USP32: variants seen among roughly 807,000 people sequenced by gnomAD.
USP32 encodes the protein ubiquitin carboxyl-terminal hydrolase 32.
In USP32, 59 loss-of-function variants were observed where a neutral mutation model predicts 204.8. That is an observed-to-expected ratio of 0.29 (90% CI 0.23 to 0.36). The LOEUF (loss-of-function observed/expected upper bound fraction) is 0.36, where lower values mean the gene tolerates loss of function less well. Among genes scored for constraint, USP32 ranks in the 10% least tolerant of loss-of-function variants. The probability of loss-of-function intolerance (pLI) is 1.00; values close to 1 mark genes in which losing one functional copy is unlikely to be tolerated. For synonymous variants in USP32, 517 were observed against 678.4 expected (o/e 0.76, Z 3.70); for missense variants, 1,160 against 1,946.4 (o/e 0.60, Z 7.60).
chr17:60,189,035 AAAG>A (rs1349976411), intron 29 of USP32, among the ~76,000 whole-genome samples: 2 of 152,278 alleles, frequency 1.3e-5, no homozygotes, highest in Admixed American at 1.3e-4. Flanking sequence ...GATTTGTTAA[AAAG>A]GGGAAGAGAT....
chr17:60,238,389 C>T (rs2145646920), intron 11 of USP32, among the ~76,000 whole-genome samples: 1 of 152,024 alleles, frequency 6.6e-6, no homozygotes, highest in Admixed American at 6.6e-5. Flanking sequence ...TAAGTTTTGC[C>T]AGGTACAGTG....
intron 1 of USP32, among the ~76,000 whole-genome samples, chr17:60,419,724 C>T (rs1029742077): frequency 2.1e-5 from 3 of 142,746 alleles, no homozygotes; most frequent in South Asian, 4.4e-4. Flanking sequence ...CACAGCGAGA[C>T]ACCATCTCAA....
chr17:60,401,920 G>T (rs2089938599), intron 1 of USP32, among the ~76,000 whole-genome samples: 1 of 152,050 alleles, frequency 6.6e-6, no homozygotes, highest in Non-Finnish European at 1.5e-5. Context: ...TGGAGAAAGG[G>T]TTCAAATTTC....
chr17:60,272,568 A>G (rs1301263869), intron 5 of USP32, among the ~76,000 whole-genome samples: 1 of 152,240 alleles, frequency 6.6e-6, no homozygotes, highest in Non-Finnish European at 1.5e-5. Context: ...CTAGCACCAG[A>G]CTTCACCTCC....
intron 1 of USP32, among the ~76,000 whole-genome samples, chr17:60,362,915 G>A (rs2089238402): frequency 6.6e-6 from 1 of 151,292 alleles, no homozygotes; most frequent in South Asian, 2.1e-4. Flanking sequence ...TAACCAAATT[G>A]TAATAACTGA....
At chr17:60,181,984 A>C (rs2084123995) in intron 31 of USP32, among the ~76,000 whole-genome samples, 1 of 152,202 alleles carries the variant, frequency 6.6e-6, no homozygotes, top group Non-Finnish European at 1.5e-5. Context: ...CATTATAGGG[A>C]CTCAGAAAAT....
intron 1 of USP32, among the ~76,000 whole-genome samples, chr17:60,346,314 A>G (rs1164459712): frequency 2.6e-5 from 4 of 152,180 alleles, no homozygotes; most frequent in African/African-American, 9.7e-5. Context: ...GGCAGGGGCA[A>G]AGAAGTAACA....
chr17:60,292,982 T>A (rs944107763), intron 4 of USP32, among the ~76,000 whole-genome samples: 1 of 152,168 alleles, frequency 6.6e-6, no homozygotes, highest in Non-Finnish European at 1.5e-5. Context: ...CACCCCCACC[T>A]CAAGGCCTTT....
At chr17:60,307,923 C>G in intron 2 of USP32, among the ~76,000 whole-genome samples, 1 of 152,216 alleles carries the variant, frequency 6.6e-6, no homozygotes, top group Admixed American at 6.5e-5. Flanking sequence ...AGGAACACAT[C>G]AGTTGAAGAG....
At chr17:60,299,395 C>A (rs1042061757) in intron 3 of USP32, among the ~76,000 whole-genome samples, 2 of 152,216 alleles carry the variant, frequency 1.3e-5, no homozygotes, top group African/African-American at 4.8e-5. Context: ...GACCTTCTTG[C>A]TCTTCCATCA....
chr17:60,387,498 C>T (rs2089751396), intron 1 of USP32, among the ~76,000 whole-genome samples: 1 of 152,206 alleles, frequency 6.6e-6, no homozygotes, highest in South Asian at 2.1e-4. Context: ...TCTCCTATAG[C>T]ACTGCAGCAC....
chr17:60,313,432 T>C (rs981950680), intron 2 of USP32, among the ~76,000 whole-genome samples: 1 of 152,142 alleles, frequency 6.6e-6, no homozygotes, highest in Non-Finnish European at 1.5e-5. Flanking sequence ...ACTAACCATG[T>C]CTTTCCTGGA....
chr17:60,265,205 A>G (rs987361458), intron 9 of USP32, among the ~76,000 whole-genome samples: 2 of 152,254 alleles, frequency 1.3e-5, no homozygotes, highest in African/African-American at 4.8e-5. Context: ...CTAGCTTATA[A>G]TAAATGTTTT....
intron 26 of USP32, among the ~76,000 whole-genome samples, chr17:60,199,630 C>A (rs1322064500): frequency 6.6e-6 from 1 of 152,094 alleles, no homozygotes; most frequent in East Asian, 1.9e-4. Flanking sequence ...TAAAAAGACC[C>A]TTTATTCAGA....
chr17:60,298,198 T>A (rs1489097919), intron 3 of USP32, among the ~76,000 whole-genome samples: 1 of 152,176 alleles, frequency 6.6e-6, no homozygotes, highest in Non-Finnish European at 1.5e-5. Context: ...CAGGAACCAC[T>A]TCATGAATAT....
rs150572054 is a variant in USP32, at chr17:60,325,233, G to A, written c.186+20248C>T. Among the ~76,000 whole-genome samples the A allele has an allele frequency of 9.9e-4, 150 of 152,186 alleles. 2 individuals are homozygous for A. The East Asian group carries it at 0.018, about 19-fold the overall frequency. On this transcript the variant is annotated intron_variant, in intron 2 of 33. Transcript: ENST00000300896. ...GTTCGAGAATAGCCTGGCCAACATG[G>A]TGAAACCCTGTCTCTACAAAAAATA...
chr17:60,184,652 T>C (rs931734083), intron 30 of USP32, among the ~76,000 whole-genome samples: 1 of 151,248 alleles, frequency 6.6e-6, no homozygotes, highest in African/African-American at 2.4e-5. Flanking sequence ...CTACTAAAAG[T>C]ACAAAAATTA....
At chr17:60,353,607 G>T (rs1487759691) in intron 1 of USP32, among the ~76,000 whole-genome samples, 5 of 152,102 alleles carry the variant, frequency 3.3e-5, no homozygotes, top group Non-Finnish European at 5.9e-5. Flanking sequence ...CAGGGATGGT[G>T]GTGCACACCT....
At chr17:60,390,615 G>A (rs562401964) in intron 1 of USP32, among the ~76,000 whole-genome samples, 1 of 152,154 alleles carries the variant, frequency 6.6e-6, no homozygotes, top group Non-Finnish European at 1.5e-5. Context: ...TCTCAATTCT[G>A]TATCTTACTG....
Sources: allele counts gnomAD v4.1 joint callset (sites outside exome capture counted in the v4.1 genomes callset), GRCh38; gene constraint gnomAD v4.1.1; transcripts MANE v1.5; gene names NCBI Gene and HGNC (gene_info 2026-07-23, HGNC 2026-07-21).